The following ATP1A4 variants were observed in gnomAD, a reference collection of about 807,000 sequenced individuals.
ATP1A4 encodes the protein sodium/potassium-transporting ATPase subunit alpha-4.
In ATP1A4, 90 loss-of-function variants were observed where a neutral mutation model predicts 114.3. That is an observed-to-expected ratio of 0.79 (90% CI 0.66 to 0.94). The LOEUF (loss-of-function observed/expected upper bound fraction) is 0.94. Ranked by LOEUF, ATP1A4 falls within the 40% of genes least tolerant of loss-of-function variation. The pLI is 0.00. For synonymous variants in ATP1A4, 511 were observed against 494.1 expected (o/e 1.03, Z -0.45); for missense variants, 1,222 against 1,313.6 (o/e 0.93, Z 1.08).
chr1:160,173,791 AC>A, intron 13 of ATP1A4, 74 bp downstream of exon 13: 1 of 1,547,390 alleles, frequency 6.5e-7, no homozygotes, highest in Non-Finnish European at 8.8e-7. Context: ...ATGCCACTTT[AC>A]TAAAGTTCTT....
Position 160,155,195 on chromosome 1 carries a change from T to G in ATP1A4, c.358T>G (p.Phe120Val). ...LLLWTGAILC[F>V]VAYSIQIYFN... ...ACTATGGACTGGGGCCATTCTCTGCTTTGTGGCCTACAGCATCCAGATATA... is the reference window on the plus strand; with the variant it reads ...ACTATGGACTGGGGCCATTCTCTGCGTTGTGGCCTACAGCATCCAGATATA... The change falls in exon 3 of 22, where the codon TTT (phenylalanine) becomes GTT (valine). Residue 120 changes from phenylalanine (F) to valine (V), a missense_variant. Phe to Val is a conservative substitution (Grantham distance 50). Coordinates refer to ENST00000368081, the MANE Select transcript of ATP1A4 (RefSeq NM_144699.4). The G allele has an allele frequency of 6.2e-7, 1 of 1,613,576 alleles. No homozygotes were observed. The highest frequency in any genetic ancestry group is 8.5e-7 in the Non-Finnish European group (1 of 1,179,912).
At chr1:160,152,356 A>T (rs1652488797) in intron 1 of ATP1A4, among the ~76,000 whole-genome samples, 169 bp downstream of exon 1, 1 of 151,034 alleles carries the variant, frequency 6.6e-6, no homozygotes, top group African/African-American at 2.4e-5. Context: ...ATACACACAG[A>T]GAGACAGGGC....
At chr1:160,181,126 G>A (rs1157752920) in intron 18 of ATP1A4, among the ~76,000 whole-genome samples, 2 of 152,150 alleles carry the variant, frequency 1.3e-5, no homozygotes, top group African/African-American at 2.4e-5. Flanking sequence ...CACAGGGAGA[G>A]GACATAAAGC....
chr1:160,179,514 A>C (rs1653604482), intron 18 of ATP1A4, among the ~76,000 whole-genome samples: 1 of 152,254 alleles, frequency 6.6e-6, no homozygotes, highest in Admixed American at 6.5e-5. Context: ...AACTCTACAA[A>C]GGCGTGTCCG....
chr1:160,155,393 CATTA>C (rs1309918506), intron 3 of ATP1A4, 145 bp downstream of exon 3: 13 of 542,828 alleles, frequency 2.4e-5, no homozygotes, highest in Non-Finnish European at 1.6e-5. Context: ...AATAAATGTA[CATTA>C]ATTATAAATG....
intron 2 of ATP1A4, 113 bp from the exon 3 acceptor site, chr1:160,154,932 A>G (rs1652583498): frequency 2.1e-6 from 2 of 944,408 alleles, no homozygotes; most frequent in Non-Finnish European, 3.2e-6. Context: ...GACCTTCTGA[A>G]AGCGTCTTTA....
intron 3 of ATP1A4, 30 bp from the exon 4 acceptor site, chr1:160,156,015 C>A: frequency 7.2e-7 from 1 of 1,395,218 alleles, no homozygotes; most frequent in Non-Finnish European, 1.0e-6. Flanking sequence ...CAAGGTCCCA[C>A]TGATAAACGC....
At chr1:160,166,005 C>T (rs1339292178) in intron 7 of ATP1A4, among the ~76,000 whole-genome samples, 3 of 152,120 alleles carry the variant, frequency 2.0e-5, no homozygotes, top group African/African-American at 7.2e-5. Flanking sequence ...CACGGTGGCT[C>T]ACATCTATAA....
At chr1:160,158,902 G>A (rs1652768255) in intron 4 of ATP1A4, 100 bp from the exon 5 acceptor site, 4 of 1,284,380 alleles carry the variant, frequency 3.1e-6, no homozygotes, top group Admixed American at 2.4e-5. Flanking sequence ...TAAGAAAGGG[G>A]AGTAAGGAGG....
At chr1:160,170,651 T>C (rs1490970451) in intron 10 of ATP1A4, 1 of 150,896 alleles carries the variant, frequency 6.6e-6, no homozygotes, top group African/African-American at 2.4e-5. Flanking sequence ...TAGCGCAATC[T>C]TGGCTCACTG....
chr1:160,166,797 G>A, intron 8 of ATP1A4, 71 bp downstream of exon 8: 2 of 1,594,860 alleles, frequency 1.3e-6, no homozygotes, highest in Non-Finnish European at 8.6e-7. Flanking sequence ...GAGAGAGAAT[G>A]GTGAGTCCAG....
chr1:160,174,046 G>A (rs1653361030), intron 13 of ATP1A4, 65 bp from the exon 14 acceptor site: 1 of 1,553,856 alleles, frequency 6.4e-7, no homozygotes, highest in African/African-American at 1.4e-5. Context: ...AGTCAAGATG[G>A]GCACCAAGAC....
intron 6 of ATP1A4, 115 bp from the exon 7 acceptor site, chr1:160,164,041 C>G: frequency 7.6e-7 from 1 of 1,318,956 alleles, no homozygotes; most frequent in African/African-American, 1.5e-5. Flanking sequence ...TCTCCTAGCA[C>G]CCCTATCTTT....
intron 18 of ATP1A4, among the ~76,000 whole-genome samples, chr1:160,181,251 G>T (rs1353663412): frequency 1.3e-5 from 2 of 152,038 alleles, no homozygotes; most frequent in African/African-American, 2.4e-5. Context: ...AGTGCTGTGG[G>T]GTCTAAAGAG....
chr1:160,167,446 G>C (rs1339249035), intron 10 of ATP1A4, 34 bp downstream of exon 10: 1 of 1,605,354 alleles, frequency 6.2e-7, no homozygotes, highest in Admixed American at 1.7e-5. Flanking sequence ...GAATGGTGGT[G>C]GGGGGATGGG....
chr1:160,171,280 C>A lies in ATP1A4; in HGVS notation c.1521C>A (p.Ser507=). Residue 507 remains serine (S), a synonymous_variant, in exon 11 of 22, where the codon TCC becomes TCA. Coordinates refer to ENST00000368081, the MANE Select transcript of ATP1A4 (RefSeq NM_144699.4). ...QMSIHLREDS[S]QTHVLMMKGA... is the part of the protein sequence containing the mutation. The stretch of plus-strand genomic sequence containing the variant: ...CCATCCACCTTCGGGAGGACAGCTC[C>A]CAGACCCACGTACTGATGATGAAGG... The A allele has an allele frequency of 6.2e-7, 1 of 1,613,916 alleles. No individual in the cohort carries two copies. The highest frequency in any genetic ancestry group is 8.5e-7 in the Non-Finnish European group (1 of 1,179,880).
At chr1:160,168,635 C>T (rs1423628358) in intron 10 of ATP1A4, among the ~76,000 whole-genome samples, 3 of 152,146 alleles carry the variant, frequency 2.0e-5, no homozygotes, top group Non-Finnish European at 4.4e-5. Flanking sequence ...CCACCCGCCT[C>T]AGCCTCCCAA....
At position 160,160,453 on chromosome 1, in the gene ATP1A4, G is replaced by T. The variant is rs1289064454; in HGVS notation, c.778+927G>T. ...GCTGGTCTCGAACTACTGACCTCAA[G>T]TGATCTGCCCTCCTCGGCCTCCCAA... On this transcript the variant is annotated intron_variant, in intron 6 of 21. Transcript: ENST00000368081. 1.3e-5 allele frequency among the ~76,000 whole-genome samples: 2 copies of T among 152,138 alleles called. 1 individual carries two copies. Among genetic ancestry groups the T allele is most frequent in the Non-Finnish European group, 2.9e-5 (2 of 68,026 alleles).
Position 160,166,713 on chromosome 1 carries a change from T to A in ATP1A4, c.1233T>A (p.Thr411=), listed in dbSNP as rs113756818. The A allele has an allele frequency of 2.7e-5, 43 of 1,614,102 alleles. No individual in the cohort carries two copies. The African/African-American group carries it at 3.9e-4, about 15-fold the overall frequency. ...FDMTVYEADT[T]EEQTGKTFTK... Reference sequence around the variant, plus strand: ...TGACCGTGTATGAGGCCGACACCACTGAAGAACAGACTGGTGACTAGTGGT... The same window carrying A: ...TGACCGTGTATGAGGCCGACACCACAGAAGAACAGACTGGTGACTAGTGGT... Residue 411 remains threonine (T), a synonymous_variant, in exon 8 of 22, where the codon ACT becomes ACA. Coordinates refer to ENST00000368081, the MANE Select transcript of ATP1A4 (RefSeq NM_144699.4).
Sources: allele counts gnomAD v4.1 joint callset (sites outside exome capture counted in the v4.1 genomes callset), GRCh38; gene constraint gnomAD v4.1.1; transcripts MANE v1.5; gene names NCBI Gene and HGNC (gene_info 2026-07-23, HGNC 2026-07-21).